NDFIP2: variants seen among roughly 807,000 people sequenced by gnomAD.
NDFIP2 encodes NEDD4 family-interacting protein 2.
NDFIP2 carries 19 observed loss-of-function variants against 36.0 expected under a neutral mutation model. That is an observed-to-expected ratio of 0.53 (90% CI 0.37 to 0.77). The LOEUF (loss-of-function observed/expected upper bound fraction) is 0.77, where lower values mean the gene tolerates loss of function less well. NDFIP2 is among the 30% of genes least tolerant of loss of function. The pLI, the probability that NDFIP2 is intolerant of heterozygous loss-of-function variation, is 0.00. For missense variants in NDFIP2, 446 were observed against 435.8 expected, an observed-to-expected ratio of 1.02 and a Z score of -0.21; for synonymous variants, 181 against 167.7, an observed-to-expected ratio of 1.08 and a Z score of -0.61.
chr13:79,542,681 A>C (rs1594859278), intron 4 of NDFIP2, among the ~76,000 whole-genome samples: 1 of 151,964 alleles, frequency 6.6e-6, no homozygotes, highest in South Asian at 2.1e-4. Flanking sequence ...TGGACACTAC[A>C]CATCTTGACA....
intron 1 of NDFIP2, among the ~76,000 whole-genome samples, chr13:79,509,465 T>G (rs931585727): frequency 6.6e-6 from 1 of 152,126 alleles, no homozygotes; most frequent in East Asian, 1.9e-4. Context: ...TCAGAGAGAA[T>G]AGATTATAAA....
At chr13:79,548,449 G>T in intron 6 of NDFIP2, 55 bp downstream of exon 6, 1 of 1,312,852 alleles carries the variant, frequency 7.6e-7, no homozygotes, top group Non-Finnish European at 1.1e-6. Context: ...AAAACTGTAA[G>T]ATGTAAATAA....
chr13:79,549,007 T>C (rs1390770084), intron 6 of NDFIP2, among the ~76,000 whole-genome samples: 2 of 152,012 alleles, frequency 1.3e-5, no homozygotes, highest in Non-Finnish European at 2.9e-5. Flanking sequence ...ATTATATCTT[T>C]AATCCACATT....
At chr13:79,546,723 G>A (rs946694852) in intron 5 of NDFIP2, among the ~76,000 whole-genome samples, 2 of 152,096 alleles carry the variant, frequency 1.3e-5, no homozygotes, top group Non-Finnish European at 2.9e-5. Context: ...CTAGTTTTAT[G>A]GTAAACATTT....
At chr13:79,532,599 T>C (rs1011682795) in intron 2 of NDFIP2, among the ~76,000 whole-genome samples, 3 of 152,052 alleles carry the variant, frequency 2.0e-5, no homozygotes, top group Non-Finnish European at 2.9e-5. Context: ...GAAATACTTA[T>C]AAAAGGAAAT....
chr13:79,543,057 A>G (rs545067831), intron 4 of NDFIP2, among the ~76,000 whole-genome samples: 4 of 152,120 alleles, frequency 2.6e-5, no homozygotes, highest in South Asian at 2.1e-4. Context: ...TTATATTTTT[A>G]GTAGAGACAG....
At chr13:79,501,516 G>T (rs1873666876) in intron 1 of NDFIP2, among the ~76,000 whole-genome samples, 1 of 152,034 alleles carries the variant, frequency 6.6e-6, no homozygotes, top group Admixed American at 6.6e-5. Context: ...AGTATAGGGG[G>T]ATACATGATT....
At chr13:79,527,949 C>T (rs762263870) in intron 2 of NDFIP2, among the ~76,000 whole-genome samples, 5 of 151,974 alleles carry the variant, frequency 3.3e-5, no homozygotes, top group Non-Finnish European at 7.4e-5. Flanking sequence ...AGCTAGTGTG[C>T]GTGTTTGTGT....
At chr13:79,502,979 G>T (rs1873724170) in intron 1 of NDFIP2, among the ~76,000 whole-genome samples, 1 of 151,184 alleles carries the variant, frequency 6.6e-6, no homozygotes. Flanking sequence ...GAAGGAGAGA[G>T]AATTTAAAGA....
intron 1 of NDFIP2, among the ~76,000 whole-genome samples, chr13:79,516,690 G>T (rs187480698): frequency 2.0e-5 from 3 of 151,850 alleles, no homozygotes; most frequent in African/African-American, 7.3e-5. Flanking sequence ...TTCTCTTCCT[G>T]TAGGTCTAAC....
At chr13:79,503,094 G>A (rs1181526273) in intron 1 of NDFIP2, among the ~76,000 whole-genome samples, 1 of 152,124 alleles carries the variant, frequency 6.6e-6, no homozygotes, top group South Asian at 2.1e-4. Flanking sequence ...GTTTAGAGCT[G>A]CAGAGGAGAG....
At chr13:79,499,216 G>A (rs1376120750) in intron 1 of NDFIP2, among the ~76,000 whole-genome samples, 1 of 151,878 alleles carries the variant, frequency 6.6e-6, no homozygotes, top group African/African-American at 2.4e-5. Flanking sequence ...TAAAAATGCT[G>A]AGCAATCTAG....
chr13:79,486,570 A>C (rs1424508064), intron 1 of NDFIP2, among the ~76,000 whole-genome samples: 1 of 152,212 alleles, frequency 6.6e-6, no homozygotes, highest in Admixed American at 6.5e-5. Flanking sequence ...CAAATCTTAC[A>C]TGGCCTAGTG....
intron 4 of NDFIP2, among the ~76,000 whole-genome samples, chr13:79,541,088 A>G (rs1000516413): frequency 6.6e-6 from 1 of 152,130 alleles, no homozygotes; most frequent in Non-Finnish European, 1.5e-5. Context: ...AGAGTAGCTT[A>G]AACATTCATT....
At chr13:79,485,198 A>G (rs1872919642) in intron 1 of NDFIP2, among the ~76,000 whole-genome samples, 1 of 152,182 alleles carries the variant, frequency 6.6e-6, no homozygotes, top group Non-Finnish European at 1.5e-5. Flanking sequence ...CTCAGAACCA[A>G]GGGTGCAGCT....
intron 5 of NDFIP2, among the ~76,000 whole-genome samples, chr13:79,544,052 C>T (rs1016958519): frequency 6.6e-6 from 1 of 152,052 alleles, no homozygotes; most frequent in African/African-American, 2.4e-5. Flanking sequence ...GTACCTTATC[C>T]AGTTACTGCA....
At chr13:79,507,743 C>G (rs1873923689) in intron 1 of NDFIP2, among the ~76,000 whole-genome samples, 1 of 151,712 alleles carries the variant, frequency 6.6e-6, no homozygotes, top group East Asian at 1.9e-4. Flanking sequence ...CTATGAAACA[C>G]TTCAAACATA....
intron 5 of NDFIP2, among the ~76,000 whole-genome samples, chr13:79,548,112 T>C (rs1875757921): frequency 6.6e-6 from 1 of 152,094 alleles, no homozygotes; most frequent in Admixed American, 6.5e-5. Flanking sequence ...CTAAAAATAC[T>C]CCAATTTTTT....
At chr13:79,490,739 G>A (rs1014845940) in intron 1 of NDFIP2, among the ~76,000 whole-genome samples, 10 of 152,084 alleles carry the variant, frequency 6.6e-5, no homozygotes, top group African/African-American at 2.2e-4. Context: ...GTTGAAGGAC[G>A]CTTCTAAGAA....
Sources: gnomAD v4.1 joint callset for allele counts (sites outside exome capture counted in the v4.1 genomes callset) on GRCh38, gnomAD v4.1.1 for gene constraint, MANE v1.5 for transcripts, NCBI Gene and HGNC (gene_info 2026-07-23, HGNC 2026-07-21) for gene names.